Variants in BAZ2B observed in about 807,000 individuals in gnomAD.
BAZ2B encodes the protein bromodomain adjacent to zinc finger domain protein 2B.
Under a neutral mutation model 246.0 loss-of-function variants are expected in BAZ2B, and 91 were observed. The observed-to-expected ratio is 0.37, with a 90% CI of 0.31 to 0.44. BAZ2B has a LOEUF of 0.44. Ranked by LOEUF, BAZ2B falls within the 20% of genes least tolerant of loss-of-function variation. BAZ2B has a pLI of 1.00. For synonymous variants in BAZ2B, 855 were observed against 860.0 expected, an observed-to-expected ratio of 0.99 and a Z score of 0.10; for missense variants, 2,332 against 2,533.7, an observed-to-expected ratio of 0.92 and a Z score of 1.71.
intron 2 of BAZ2B, among the ~76,000 whole-genome samples, chr2:159,537,168 TA>T (rs1181510478): frequency 2.6e-5 from 4 of 152,098 alleles, no homozygotes; most frequent in African/African-American, 9.7e-5. Context: ...AAAAGACAAA[TA>T]CTGTATGATC....
At chr2:159,519,484 C>T in intron 2 of BAZ2B, among the ~76,000 whole-genome samples, 1 of 150,438 alleles carries the variant, frequency 6.6e-6, no homozygotes, top group Admixed American at 6.6e-5. Flanking sequence ...CCCGCCTCGG[C>T]CTCCCAAAGT....
At chr2:159,356,759 G>A (rs913521593) in intron 27 of BAZ2B, among the ~76,000 whole-genome samples, 18 of 152,290 alleles carry the variant, frequency 1.2e-4, no homozygotes, top group African/African-American at 4.1e-4. Context: ...GCCCCTGTGG[G>A]ACGAAGGTTC....
At position 159,348,693 on chromosome 2, in the gene BAZ2B, G is replaced by A. The variant is rs781554926; in HGVS notation, c.5278C>T (p.Leu1760Phe). 6.2e-7 allele frequency: 1 copy of A among 1,601,068 alleles called. No individual in the cohort carries two copies. The highest frequency in any genetic ancestry group is 8.5e-7 in the Non-Finnish European group (1 of 1,176,816). The change falls in exon 30 of 37, where the codon CTC becomes TTC. Residue 1760 changes from leucine to phenylalanine, a missense_variant. Around this residue, in one of 9 missense-constraint regions of BAZ2B, gnomAD observed 676 missense variants for 668.6 expected, o/e 1.01. Transcript: ENST00000392783. Reference sequence around the variant, plus strand: ...AGGTACACACCATCCTTATTCTTGAGGCAGGCTTGAGTAATATAATCCAAA... The same window carrying A: ...AGGTACACACCATCCTTATTCTTGAAGCAGGCTTGAGTAATATAATCCAAA... ...KHLDYITQACLKNKDVAIIEL... is the reference protein window; with the variant it reads ...KHLDYITQACFKNKDVAIIEL...
the BAZ2B span, among the ~76,000 whole-genome samples, chr2:159,642,318 A>T: frequency 6.7e-6 from 1 of 149,928 alleles, no homozygotes; most frequent in Non-Finnish European, 1.5e-5. Context: ...GCTCACTGCA[A>T]CCTCTGCCTC....
At chr2:159,688,797 T>A in the BAZ2B span, among the ~76,000 whole-genome samples, 1 of 152,200 alleles carries the variant, frequency 6.6e-6, no homozygotes, top group Non-Finnish European at 1.5e-5. Context: ...TGTCCCTCAA[T>A]TTGGGCTTTA....
intron 2 of BAZ2B, among the ~76,000 whole-genome samples, chr2:159,502,331 TTA>T (rs1491353454): frequency 1.8e-5 from 1 of 54,914 alleles, no homozygotes; most frequent in Non-Finnish European, 5.8e-5. Flanking sequence ...CATAAAGCTG[TTA>T]AAAAAAAAAA....
chr2:159,657,315 T>C, the BAZ2B span, among the ~76,000 whole-genome samples: 61,024 of 152,020 alleles, frequency 0.4, 12,764 homozygotes, highest in African/African-American at 0.49. Context: ...GGTCTATTTC[T>C]GTGTTCTGTA....
chr2:159,490,204 C>T (rs761190685), intron 2 of BAZ2B, among the ~76,000 whole-genome samples: 6 of 151,828 alleles, frequency 4.0e-5, no homozygotes, highest in East Asian at 1.9e-4. Flanking sequence ...AATTCTTAAT[C>T]GAGAAACCAT....
chr2:159,627,697 C>G, the BAZ2B span, among the ~76,000 whole-genome samples: 4 of 152,172 alleles, frequency 2.6e-5, no homozygotes, highest in East Asian at 7.7e-4. Flanking sequence ...TTAAGATAAA[C>G]CCACAATAAA....
intron 3 of BAZ2B, among the ~76,000 whole-genome samples, chr2:159,469,831 C>T (rs2077555393): frequency 6.6e-6 from 1 of 152,056 alleles, no homozygotes; most frequent in Admixed American, 6.6e-5. Context: ...ACTCTCCAGG[C>T]CCAGATGTTT....
intron 2 of BAZ2B, among the ~76,000 whole-genome samples, chr2:159,507,684 A>G (rs2082474577): frequency 1.3e-5 from 2 of 152,206 alleles, no homozygotes; most frequent in Admixed American, 1.3e-4. Context: ...GAAGTAATCT[A>G]AATTGAATAA....
chr2:159,429,488 A>C (rs1037782104), intron 10 of BAZ2B, among the ~76,000 whole-genome samples: 1 of 152,098 alleles, frequency 6.6e-6, no homozygotes, highest in Non-Finnish European at 1.5e-5. Context: ...TTTCTCTCTA[A>C]AGAAAATACA....
At chr2:159,383,869 T>A (rs544606600) in intron 23 of BAZ2B, among the ~76,000 whole-genome samples, 189 bp from the exon 24 acceptor site, 41 of 152,188 alleles carry the variant, frequency 2.7e-4, no homozygotes, top group Non-Finnish European at 4.4e-4. Flanking sequence ...TGTTGAAAAG[T>A]GATAACTTCT....
intron 27 of BAZ2B, among the ~76,000 whole-genome samples, chr2:159,364,048 T>A (rs2059978843): frequency 6.6e-6 from 1 of 152,204 alleles, no homozygotes. Flanking sequence ...GAAGCCAAGC[T>A]TCTTTGTTCC....
intron 3 of BAZ2B, chr2:159,459,745 A>T (rs566504352): frequency 6.6e-6 from 1 of 152,184 alleles, no homozygotes; most frequent in South Asian, 2.1e-4. Context: ...TTAACCTTAT[A>T]AGTACAAAAC....
At chr2:159,663,855 CTTTTT>C in the BAZ2B span, among the ~76,000 whole-genome samples, 1 of 92,498 alleles carries the variant, frequency 1.1e-5, no homozygotes, top group Non-Finnish European at 2.0e-5. Context: ...AAACCATTTT[CTTTTT>C]TTTTTTTTTT....
chr2:159,534,066 T>C (rs2085663141), intron 2 of BAZ2B, among the ~76,000 whole-genome samples: 1 of 152,244 alleles, frequency 6.6e-6, no homozygotes, highest in South Asian at 2.1e-4. Context: ...TTTTGCACAA[T>C]GATTCCTCAT....
At chr2:159,469,572 A>C (rs1190060003) in intron 3 of BAZ2B, among the ~76,000 whole-genome samples, 1 of 152,036 alleles carries the variant, frequency 6.6e-6, no homozygotes, top group Non-Finnish European at 1.5e-5. Context: ...GGTAGCTGGG[A>C]TTACAGGTGC....
intron 2 of BAZ2B, among the ~76,000 whole-genome samples, chr2:159,529,075 C>G (rs1158361339): frequency 6.6e-6 from 1 of 151,832 alleles, no homozygotes; most frequent in Non-Finnish European, 1.5e-5. Flanking sequence ...AACAAACCTG[C>G]ACGTTGTGCA....
Sources: allele counts gnomAD v4.1 joint callset (sites outside exome capture counted in the v4.1 genomes callset), GRCh38; gene constraint gnomAD v4.1.1; regional missense constraint gnomAD v4.1.1; transcripts MANE v1.5; gene names NCBI Gene and HGNC (gene_info 2026-07-23, HGNC 2026-07-21).